Variants in TENM2 observed in about 807,000 individuals in gnomAD.
TENM2 encodes teneurin-2.
TENM2 carries 52 observed loss-of-function variants against 245.2 expected under a neutral mutation model. That is an observed-to-expected ratio of 0.21 (90% CI 0.17 to 0.27). The LOEUF (loss-of-function observed/expected upper bound fraction) is 0.27, where lower values mean the gene tolerates loss of function less well. Among genes scored for constraint, TENM2 ranks in the 10% least tolerant of loss-of-function variants. The pLI is 1.00. For missense variants in TENM2, 3,046 were observed against 3,666.8 expected, an observed-to-expected ratio of 0.83 and a Z score of 4.37; for synonymous variants, 1,363 against 1,438.9, an observed-to-expected ratio of 0.95 and a Z score of 1.19.
At chr5:167,810,437 G>C (rs979837339) in intron 2 of TENM2, among the ~76,000 whole-genome samples, 3 of 151,618 alleles carry the variant, frequency 2.0e-5, no homozygotes, top group Non-Finnish European at 4.4e-5. Context: ...ACGGAACTTG[G>C]TCTCCCCATT....
At chr5:167,773,840 G>A (rs1360593807) in intron 2 of TENM2, among the ~76,000 whole-genome samples, 1 of 152,102 alleles carries the variant, frequency 6.6e-6, no homozygotes, top group East Asian at 1.9e-4. Flanking sequence ...AAGAACTGTG[G>A]CACAGATGTT....
chr5:167,435,995 T>TTTTTTTTTTA (rs1764534731), intron 2 of TENM2, among the ~76,000 whole-genome samples: 1 of 136,504 alleles, frequency 7.3e-6, no homozygotes, highest in Non-Finnish European at 1.6e-5. Context: ...TTTTTTTTTT[T>TTTTTTTTTTA]GAGACAGAGT....
intron 2 of TENM2, among the ~76,000 whole-genome samples, chr5:167,619,927 G>A (rs930709173): frequency 7.2e-5 from 11 of 152,102 alleles, no homozygotes; most frequent in South Asian, 4.1e-4. Context: ...TGCATAACTC[G>A]TTTCTACCAC....
At chr5:167,235,294 A>T in the TENM2 span, among the ~76,000 whole-genome samples, 2 of 152,212 alleles carry the variant, frequency 1.3e-5, no homozygotes, top group South Asian at 4.2e-4. Flanking sequence ...CTGTCTCCAA[A>T]TACAGCCGTA....
intron 2 of TENM2, among the ~76,000 whole-genome samples, chr5:167,590,211 A>T (rs554471674): frequency 6.6e-6 from 1 of 151,888 alleles, no homozygotes; most frequent in South Asian, 2.1e-4. Context: ...TTTGTTTTTC[A>T]TATGAAAATC....
chr5:168,060,900 C>T (rs984764257), intron 6 of TENM2, among the ~76,000 whole-genome samples: 1 of 152,142 alleles, frequency 6.6e-6, no homozygotes, highest in Admixed American at 6.6e-5. Flanking sequence ...TTCTCAGGAT[C>T]ATCTGAAACC....
chr5:167,791,942 A>G (rs967713676), intron 2 of TENM2, among the ~76,000 whole-genome samples: 17 of 151,602 alleles, frequency 1.1e-4, no homozygotes, highest in African/African-American at 3.9e-4. Context: ...TACTCCATCC[A>G]CTCTCTCATC....
At chr5:168,246,277 A>G (rs1309869601) in intron 26 of TENM2, among the ~76,000 whole-genome samples, 1 of 151,876 alleles carries the variant, frequency 6.6e-6, no homozygotes, top group Non-Finnish European at 1.5e-5. Flanking sequence ...TCTTTTTTAA[A>G]TTTAATCAGG....
intron 2 of TENM2, among the ~76,000 whole-genome samples, chr5:167,709,048 A>C (rs1343778832): frequency 4.6e-5 from 7 of 152,168 alleles, no homozygotes; most frequent in Admixed American, 3.9e-4. Flanking sequence ...GTCCTACCTC[A>C]TAATGACTGT....
chr5:167,737,351 G>A (rs1033639034), intron 2 of TENM2, among the ~76,000 whole-genome samples: 5 of 152,148 alleles, frequency 3.3e-5, no homozygotes, highest in Admixed American at 6.5e-5. Flanking sequence ...GAGCGCCGGC[G>A]GCTACCAAGC....
At chr5:167,267,375 C>T in the TENM2 span, among the ~76,000 whole-genome samples, 1 of 152,036 alleles carries the variant, frequency 6.6e-6, no homozygotes. Context: ...TTCTTTGCCC[C>T]ACAAGAGTGG....
chr5:167,262,436 A>T, the TENM2 span, among the ~76,000 whole-genome samples: 1 of 151,272 alleles, frequency 6.6e-6, no homozygotes, highest in East Asian at 2.0e-4. Flanking sequence ...TAAGAACCAC[A>T]CCCCACTCAT....
intron 9 of TENM2, among the ~76,000 whole-genome samples, chr5:168,101,368 A>G (rs1471176490): frequency 1.3e-5 from 2 of 152,236 alleles, no homozygotes; most frequent in African/African-American, 4.8e-5. Context: ...CCTAAAAACC[A>G]TGTGTGCTCC....
chr5:167,445,305 A>G (rs867784597), intron 2 of TENM2, among the ~76,000 whole-genome samples: 1 of 139,906 alleles, frequency 7.1e-6, no homozygotes. Context: ...ATTATAAACC[A>G]TATGATTATA....
chr5:168,236,144 A>G (rs1765407945), intron 25 of TENM2, among the ~76,000 whole-genome samples: 1 of 152,154 alleles, frequency 6.6e-6, no homozygotes, highest in Admixed American at 6.5e-5. Flanking sequence ...GAAATACAGA[A>G]GTCTTCTGCA....
the TENM2 span, among the ~76,000 whole-genome samples, chr5:167,190,350 G>T: frequency 6.6e-5 from 10 of 152,022 alleles, no homozygotes; most frequent in East Asian, 1.9e-4. Flanking sequence ...TAAGGTGAAG[G>T]TCCCCTCTAC....
intron 2 of TENM2, among the ~76,000 whole-genome samples, chr5:167,614,418 G>T (rs995242905): frequency 6.6e-6 from 1 of 152,068 alleles, no homozygotes; most frequent in Non-Finnish European, 1.5e-5. Context: ...GGGTCATTCA[G>T]TGAGGTGGTA....
At chr5:167,498,864 C>A (rs906612409) in intron 2 of TENM2, among the ~76,000 whole-genome samples, 1 of 151,962 alleles carries the variant, frequency 6.6e-6, no homozygotes, top group African/African-American at 2.4e-5. Flanking sequence ...GAGATGATGA[C>A]GATATTCTCT....
intron 25 of TENM2, among the ~76,000 whole-genome samples, chr5:168,238,352 A>G (rs1434523019): frequency 6.6e-6 from 1 of 152,234 alleles, no homozygotes; most frequent in Non-Finnish European, 1.5e-5. Context: ...CCTCTAGGCC[A>G]GGCTTTACCT....
Sources: allele counts gnomAD v4.1 joint callset (sites outside exome capture counted in the v4.1 genomes callset), GRCh38; gene constraint gnomAD v4.1.1; transcripts MANE v1.5; gene names NCBI Gene and HGNC (gene_info 2026-07-23, HGNC 2026-07-21).